Variants in LRRTM4 observed in about 807,000 individuals in gnomAD.
The protein encoded by LRRTM4 is leucine rich repeat transmembrane neuronal 4.
Under a neutral mutation model 47.6 loss-of-function variants are expected in LRRTM4, and 25 were observed. The observed-to-expected ratio is 0.53, with a 90% CI of 0.38 to 0.73. The LOEUF (loss-of-function observed/expected upper bound fraction) is 0.73. LRRTM4 is among the 30% of genes least tolerant of loss of function. LRRTM4 has a pLI of 0.00. For synonymous variants in LRRTM4, 311 were observed against 269.5 expected, an observed-to-expected ratio of 1.15 and a Z score of -1.51; for missense variants, 638 against 713.4, an observed-to-expected ratio of 0.89 and a Z score of 1.20.
At chr2:77,057,972 A>G (rs560510331) in intron 3 of LRRTM4, among the ~76,000 whole-genome samples, 1 of 152,284 alleles carries the variant, frequency 6.6e-6, no homozygotes, top group Non-Finnish European at 1.5e-5. Flanking sequence ...TCCACTTGTT[A>G]CTACCAACTG....
chr2:77,064,487 G>T (rs1390161544), intron 3 of LRRTM4, among the ~76,000 whole-genome samples: 2 of 152,126 alleles, frequency 1.3e-5, no homozygotes, highest in African/African-American at 2.4e-5. Context: ...GGGAAATTGT[G>T]ACAGATGACA....
At chr2:76,887,072 C>T (rs1350168682) in intron 3 of LRRTM4, among the ~76,000 whole-genome samples, 1 of 151,608 alleles carries the variant, frequency 6.6e-6, no homozygotes, top group Non-Finnish European at 1.5e-5. Context: ...CTTTTTAAAA[C>T]TGTGAGGCTA....
intron 3 of LRRTM4, among the ~76,000 whole-genome samples, chr2:77,332,122 A>C (rs1670994090): frequency 2.0e-5 from 3 of 152,266 alleles, no homozygotes; most frequent in South Asian, 4.1e-4. Context: ...AAACTGTCCA[A>C]ATTTCTGGAT....
chr2:76,827,761 A>G (rs1671228578), intron 3 of LRRTM4, among the ~76,000 whole-genome samples: 1 of 151,814 alleles, frequency 6.6e-6, no homozygotes, highest in South Asian at 2.1e-4. Flanking sequence ...GCCAATACCT[A>G]TCAAGATACT....
intron 3 of LRRTM4, among the ~76,000 whole-genome samples, chr2:76,799,444 A>C (rs1327439626): frequency 3.0e-5 from 4 of 131,782 alleles, no homozygotes; most frequent in African/African-American, 1.2e-4. Context: ...TATTGATGGG[A>C]CGTATCTCAA....
intron 3 of LRRTM4, among the ~76,000 whole-genome samples, chr2:76,968,362 A>ATG (rs1200836542): frequency 1.1e-4 from 14 of 131,484 alleles, no homozygotes; most frequent in Non-Finnish European, 1.9e-4. Flanking sequence ...ATATATATAT[A>ATG]TATATATATA....
At chr2:77,149,122 A>G (rs1672348861) in intron 3 of LRRTM4, among the ~76,000 whole-genome samples, 3 of 152,178 alleles carry the variant, frequency 2.0e-5, no homozygotes, top group Non-Finnish European at 2.9e-5. Flanking sequence ...GCACATGGCC[A>G]TTGAGCATTT....
chr2:76,812,033 T>A (rs1670749028), intron 3 of LRRTM4, among the ~76,000 whole-genome samples: 1 of 152,210 alleles, frequency 6.6e-6, no homozygotes, highest in Non-Finnish European at 1.5e-5. Flanking sequence ...CTGAGTTTAT[T>A]TTTTTCCTGG....
At chr2:77,119,389 T>G (rs1029047807) in intron 3 of LRRTM4, among the ~76,000 whole-genome samples, 6 of 151,854 alleles carry the variant, frequency 4.0e-5, no homozygotes, top group Admixed American at 3.9e-4. Context: ...GTAAGTTTCC[T>G]CACATTGCAG....
intron 3 of LRRTM4, among the ~76,000 whole-genome samples, chr2:77,207,212 A>AATATATACAC (rs1674151608): frequency 7.3e-6 from 1 of 136,836 alleles, no homozygotes. Context: ...AACCAGGAAA[A>AATATATACAC]ATATATACAC....
intron 3 of LRRTM4, among the ~76,000 whole-genome samples, chr2:77,129,319 T>A (rs572590372): frequency 6.6e-6 from 1 of 152,278 alleles, no homozygotes; most frequent in Admixed American, 6.5e-5. Context: ...ATGTTAAATA[T>A]TACAATTCAA....
intron 3 of LRRTM4, among the ~76,000 whole-genome samples, chr2:77,441,075 G>T (rs550844339): frequency 4.6e-5 from 7 of 152,152 alleles, no homozygotes; most frequent in Non-Finnish European, 1.0e-4. Context: ...TAATAAATAT[G>T]CATACTTTAA....
intron 3 of LRRTM4, among the ~76,000 whole-genome samples, chr2:76,939,743 T>C (rs964721216): frequency 2.0e-5 from 3 of 152,182 alleles, no homozygotes; most frequent in Non-Finnish European, 4.4e-5. Flanking sequence ...TGCTCTAATT[T>C]TTAAGTGATA....
chr2:77,116,630 A>C (rs11901327), intron 3 of LRRTM4, among the ~76,000 whole-genome samples: 80,718 of 151,860 alleles, frequency 0.53, 21,674 homozygotes, highest in East Asian at 0.68. Context: ...TATAGGGAGA[A>C]ATCCAGTGAC....
intron 3 of LRRTM4, among the ~76,000 whole-genome samples, chr2:76,831,287 CTATTTG>C (rs1406438907): frequency 6.6e-6 from 1 of 152,100 alleles, no homozygotes; most frequent in Non-Finnish European, 1.5e-5. Context: ...CTACAGGATA[CTATTTG>C]TAAATTTGAT....
At chr2:77,405,955 C>A (rs543042598) in intron 3 of LRRTM4, among the ~76,000 whole-genome samples, 1 of 152,140 alleles carries the variant, frequency 6.6e-6, no homozygotes. Flanking sequence ...AGGAACAGAA[C>A]TATGTCTTGT....
intron 3 of LRRTM4, among the ~76,000 whole-genome samples, chr2:77,046,499 T>C (rs927902787): frequency 3.0e-4 from 46 of 151,998 alleles, no homozygotes; most frequent in African/African-American, 1.1e-3. Flanking sequence ...CCACAGAATC[T>C]TGGCAGACAG....
intron 3 of LRRTM4, among the ~76,000 whole-genome samples, chr2:77,506,857 T>G (rs779665870): frequency 1.1e-4 from 17 of 151,986 alleles, no homozygotes; most frequent in Non-Finnish European, 4.4e-5. Flanking sequence ...AGGAATATAC[T>G]TTCAAAAACT....
At chr2:77,368,743 G>T (rs1672547688) in intron 3 of LRRTM4, among the ~76,000 whole-genome samples, 1 of 151,916 alleles carries the variant, frequency 6.6e-6, no homozygotes, top group African/African-American at 2.4e-5. Context: ...CGAAAGGAAA[G>T]GAATAGAGAT....
Sources: gnomAD v4.1 joint callset for allele counts (sites outside exome capture counted in the v4.1 genomes callset) on GRCh38, gnomAD v4.1.1 for gene constraint, MANE v1.5 for transcripts, NCBI Gene and HGNC (gene_info 2026-07-23, HGNC 2026-07-21) for gene names.